ZRANB2: variants seen among roughly 807,000 people sequenced by gnomAD.
ZRANB2 encodes zinc finger Ran-binding domain-containing protein 2.
A neutral mutation model predicts 53.4 loss-of-function variants in ZRANB2; 19 were observed. The observed-to-expected ratio is 0.36, with a 90% CI of 0.25 to 0.52. The LOEUF is 0.52. Ranked by LOEUF, ZRANB2 falls within the 20% of genes least tolerant of loss-of-function variation. The pLI is 0.93. For missense variants in ZRANB2, 309 were observed against 401.1 expected, an observed-to-expected ratio of 0.77 and a Z score of 1.96; for synonymous variants, 145 against 134.8, an observed-to-expected ratio of 1.08 and a Z score of -0.52.
chr1:71,080,832 A>G, intron 1 of ZRANB2, 108 bp downstream of exon 1: 7 of 1,346,772 alleles, frequency 5.2e-6, no homozygotes, highest in Non-Finnish European at 7.4e-6. Flanking sequence ...TCGCCGCCTC[A>G]ACCCGTCTTA....
chr1:71,081,003 G>C lies in ZRANB2; in HGVS notation c.-8C>G. On this transcript the variant is annotated 5_prime_UTR_variant, in exon 1 of 10. Coordinates refer to ENST00000370920, the MANE Select transcript of ZRANB2 (RefSeq NM_203350.3). ...GAAATTCTTGGTCGACATCTTGAAC[G>C]CCACCAGCACAGCCACCCGCAGCTA... The C allele has an allele frequency of 1.2e-6, 2 of 1,614,022 alleles. No homozygotes were observed. The highest frequency in any genetic ancestry group is 1.7e-6 in the Non-Finnish European group (2 of 1,180,010).
rs753845132 is a variant in ZRANB2 at position 71,072,136 on chromosome 1, T to C, written c.498A>G (p.Lys166=). 6.8e-5 allele frequency: 109 copies of C among 1,608,414 alleles called. No individual in the cohort carries two copies. The Admixed American group carries it at 1.7e-3, about 25-fold the overall frequency. The change falls in exon 6 of 10, where the codon AAA becomes AAG. Residue 166 remains lysine, a synonymous_variant. Transcript: ENST00000370920. ...AATTGTTCACCTCATCTAACTTATA[T>C]TTAGAAAGATCTTCATCCTCATCCT... ...EEEDEDEDLS[K]YKLDEDEDED...
chr1:71,073,983 C>T lies in ZRANB2; in HGVS notation c.302-1435G>A, dbSNP rs923394386. ...ATCAATGGAATGATATGTATGTTTC[C>T]GTCATTCTACTAATTTCAAGCACTT... is the stretch of plus-strand genomic sequence containing the variant. On this transcript the variant is annotated intron_variant, in intron 4 of 9. Transcript: ENST00000370920. Among the ~76,000 whole-genome samples, 8 of 152,138 alleles carry T rather than the reference C, an allele frequency of 5.3e-5. No homozygotes were observed. The South Asian group carries it at 8.3e-4, about 16-fold the overall frequency.
At chr1:71,069,809 A>G (rs1011568918) in intron 7 of ZRANB2, among the ~76,000 whole-genome samples, 3 of 152,084 alleles carry the variant, frequency 2.0e-5, no homozygotes, top group Non-Finnish European at 2.9e-5. Context: ...TTTCATCCCT[A>G]TATTTTTCTG....
chr1:71,073,967 A>C (rs1450792099), intron 4 of ZRANB2, among the ~76,000 whole-genome samples: 1 of 152,132 alleles, frequency 6.6e-6, no homozygotes, highest in Non-Finnish European at 1.5e-5. Context: ...AATCAATGGA[A>C]TGATATGTAT....
At chr1:71,072,081 C>T (rs1661606557) in intron 6 of ZRANB2, 40 bp downstream of exon 6, 2 of 1,592,942 alleles carry the variant, frequency 1.3e-6, no homozygotes, top group Admixed American at 1.8e-5. Context: ...GGTATAACTC[C>T]AATAAGACAA....
intron 1 of ZRANB2, among the ~76,000 whole-genome samples, chr1:71,080,662 T>TGGGGGGGGGGGGGGGG (rs1661823009): frequency 1.2e-5 from 1 of 81,180 alleles, no homozygotes. Context: ...GGGAGGGGGG[T>TGGGGGGGGGGGGGGGG]GGGGGCAAAA....
intron 1 of ZRANB2, among the ~76,000 whole-genome samples, chr1:71,080,474 A>C (rs1394189705): frequency 6.6e-6 from 1 of 152,196 alleles, no homozygotes. Context: ...ATGGAGGAAA[A>C]GTTTGAGTAA....
At chr1:71,068,543 C>T (rs973972878) in intron 8 of ZRANB2, among the ~76,000 whole-genome samples, 5 of 148,712 alleles carry the variant, frequency 3.4e-5, no homozygotes, top group African/African-American at 1.3e-4. Flanking sequence ...AACTAACCGA[C>T]TATACTTCCT....
chr1:71,064,109 T>G lies in ZRANB2; in HGVS notation c.*965A>C, dbSNP rs1661365906. ...GACTTTTGCTTACATCATGCAGCAA[T>G]AAGCATTCATTTGTTATTCAGAAGA... On this transcript the variant is annotated 3_prime_UTR_variant, in exon 10 of 10. Transcript: ENST00000370920. The G allele has an allele frequency of 6.6e-6, 1 of 152,450 alleles. No individual in the cohort carries two copies. 9.4% of individuals were successfully genotyped at this position (152,450 alleles called of 1,614,324 possible).
intron 3 of ZRANB2, among the ~76,000 whole-genome samples, chr1:71,078,056 A>G (rs531122297): frequency 6.6e-6 from 1 of 152,276 alleles, no homozygotes; most frequent in African/African-American, 2.4e-5. Context: ...ACGGCACACA[A>G]CTTATGAATC....
intron 4 of ZRANB2, among the ~76,000 whole-genome samples, chr1:71,076,516 A>T (rs1338983473): frequency 6.6e-6 from 1 of 152,214 alleles, no homozygotes; most frequent in African/African-American, 2.4e-5. Flanking sequence ...AATAACAAAC[A>T]TGCAAACCAG....
At chr1:71,067,074 T>C in intron 8 of ZRANB2, 140 bp from the exon 9 acceptor site, 3 of 734,220 alleles carry the variant, frequency 4.1e-6, no homozygotes, top group Non-Finnish European at 6.1e-6. Context: ...TTACTGCTTA[T>C]TCAACAGAAG....
intron 8 of ZRANB2, chr1:71,067,675 C>T: frequency 2.3e-6 from 1 of 435,348 alleles, no homozygotes; most frequent in East Asian, 8.0e-5. Context: ...TAAAATAAAA[C>T]CAGAAAGCCC....
At chr1:71,069,081 G>C (rs569568580) in intron 8 of ZRANB2, among the ~76,000 whole-genome samples, 195 bp downstream of exon 8, 2 of 152,144 alleles carry the variant, frequency 1.3e-5, no homozygotes, top group Admixed American at 1.3e-4. Context: ...TCAATCATGG[G>C]AATGTCTTGG....
chr1:71,072,862 T>C (rs529553691), intron 4 of ZRANB2, among the ~76,000 whole-genome samples: 1 of 152,296 alleles, frequency 6.6e-6, no homozygotes, highest in South Asian at 2.1e-4. Context: ...AGGACTTTCC[T>C]CTACAGTTAA....
intron 4 of ZRANB2, among the ~76,000 whole-genome samples, chr1:71,074,359 T>C (rs775500347): frequency 2.6e-5 from 4 of 152,174 alleles, no homozygotes; most frequent in Admixed American, 1.3e-4. Context: ...ACAATGAATA[T>C]ATTTTCAAAT....
chr1:71,067,238 T>G (rs1042942940), intron 8 of ZRANB2: 1 of 200,452 alleles, frequency 5.0e-6, no homozygotes, highest in African/African-American at 2.3e-5. Context: ...TATTATAGTA[T>G]TATAAAATCA....
chr1:71,072,038 A>C, intron 6 of ZRANB2, 83 bp downstream of exon 6: 2 of 1,515,972 alleles, frequency 1.3e-6, no homozygotes, highest in Non-Finnish European at 8.8e-7. Flanking sequence ...ATTTTCACCA[A>C]GTGTCTGAGG....
Sources: gnomAD v4.1 joint callset for allele counts (sites outside exome capture counted in the v4.1 genomes callset) on GRCh38, gnomAD v4.1.1 for gene constraint, MANE v1.5 for transcripts, NCBI Gene and HGNC (gene_info 2026-07-23, HGNC 2026-07-21) for gene names.